The following TK2 variants were observed in gnomAD, a reference collection of about 807,000 sequenced individuals.
The protein encoded by TK2 is thymidine kinase 2, also known as thymidine kinase 2, mitochondrial.
In TK2, 35 loss-of-function variants were observed where a neutral mutation model predicts 41.9. The observed-to-expected ratio is 0.84, with a 90% CI of 0.64 to 1.11. TK2 has a LOEUF of 1.11. Ranked by LOEUF, TK2 falls within the 50% of genes least tolerant of loss-of-function variation. The probability of loss-of-function intolerance (pLI) is 0.00; values close to 1 mark genes in which losing one functional copy is unlikely to be tolerated. For synonymous variants in TK2, 128 were observed against 129.1 expected (o/e 0.99, Z 0.06); for missense variants, 320 against 351.1 (o/e 0.91, Z 0.71).
chr16:66,511,722 G>T lies in TK2; in HGVS notation c.*246C>A. On this transcript the variant is annotated 3_prime_UTR_variant, in exon 10 of 10. Transcript: ENST00000544898. ...CTCAGCAGCACAAAGCCATGGGAGAGGCACCGGGGGAATGTGAGGCTGCGA... is the reference window on the plus strand; with the variant it reads ...CTCAGCAGCACAAAGCCATGGGAGATGCACCGGGGGAATGTGAGGCTGCGA... The T allele has an allele frequency of 1.7e-6, 1 of 573,940 alleles. No homozygotes were observed. The highest frequency in any genetic ancestry group is 3.1e-6 in the Non-Finnish European group (1 of 318,700). The allele number at this position is 573,940 out of a possible 1,614,324, so 35.6% of individuals were successfully genotyped here.
intron 6 of TK2, among the ~76,000 whole-genome samples, chr16:66,522,043 A>G (rs1964796333): frequency 6.6e-6 from 1 of 152,180 alleles, no homozygotes; most frequent in African/African-American, 2.4e-5. Flanking sequence ...CCCAGTTTAT[A>G]GAAGAAACCT....
At chr16:66,525,622 G>A (rs1233560445) in intron 6 of TK2, among the ~76,000 whole-genome samples, 1 of 152,186 alleles carries the variant, frequency 6.6e-6, no homozygotes, top group Non-Finnish European at 1.5e-5. Context: ...CCTCCAGGCA[G>A]CCACAGTGCT....
chr16:66,541,875 G>A lies in TK2; in HGVS notation c.231+4C>T. The stretch of plus-strand genomic sequence containing the variant: ...TTCCTTCAAACCTAGCATAGAGGCT[G>A]TACCTCGACGTCTGTCGCGTTGGAG... On this transcript the variant is annotated splice_donor_region_variant and intron_variant, in intron 3 of 9. Transcript: ENST00000544898. 1.9e-6 allele frequency: 3 copies of A among 1,614,084 alleles called. No individual in the cohort carries two copies. Among genetic ancestry groups the A allele is most frequent in the Non-Finnish European group, 2.5e-6 (3 of 1,179,936 alleles).
chr16:66,531,528 T>C, intron 4 of TK2, 59 bp from the exon 5 acceptor site: 1 of 1,540,592 alleles, frequency 6.5e-7, no homozygotes. Context: ...AGGACCCTGG[T>C]CTCACAAGGC....
At chr16:66,515,088 G>T (rs2144346149) in intron 8 of TK2, among the ~76,000 whole-genome samples, 1 of 151,750 alleles carries the variant, frequency 6.6e-6, no homozygotes, top group South Asian at 2.1e-4. Flanking sequence ...ATGTTTATCT[G>T]CTGACCTTCC....
intron 4 of TK2, among the ~76,000 whole-genome samples, chr16:66,535,569 A>G (rs1965251781): frequency 6.6e-6 from 1 of 152,182 alleles, no homozygotes; most frequent in African/African-American, 2.4e-5. Context: ...TGCCTTATTT[A>G]AGAAACATCC....
At chr16:66,516,927 G>A (rs530579546) in intron 8 of TK2, among the ~76,000 whole-genome samples, 1 of 152,130 alleles carries the variant, frequency 6.6e-6, no homozygotes, top group African/African-American at 2.4e-5. Context: ...GTGAGTCAGC[G>A]ACCACAGGAA....
chr16:66,546,345 G>C (rs997961564), intron 2 of TK2, among the ~76,000 whole-genome samples: 2 of 152,188 alleles, frequency 1.3e-5, no homozygotes, highest in Non-Finnish European at 1.5e-5. Context: ...ATTTAAATGG[G>C]TGAATTTTGT....
intron 3 of TK2, among the ~76,000 whole-genome samples, chr16:66,539,666 G>A (rs1965398535): frequency 6.6e-6 from 1 of 151,128 alleles, no homozygotes; most frequent in African/African-American, 2.4e-5. Context: ...AAAAAGGGCA[G>A]GTGCAAAGTC....
At chr16:66,535,786 C>T (rs1965258292) in intron 4 of TK2, among the ~76,000 whole-genome samples, 1 of 152,228 alleles carries the variant, frequency 6.6e-6, no homozygotes, top group Admixed American at 6.5e-5. Flanking sequence ...CAAGCCCCTA[C>T]TAAGTGCTAG....
chr16:66,539,231 T>G (rs1965379774), intron 3 of TK2, among the ~76,000 whole-genome samples: 1 of 151,954 alleles, frequency 6.6e-6, no homozygotes, highest in African/African-American at 2.4e-5. Context: ...TGATGATTCA[T>G]GAGAACTCAC....
At chr16:66,512,205 G>C in intron 9 of TK2, 139 bp from the exon 10 acceptor site, 1 of 778,094 alleles carries the variant, frequency 1.3e-6, no homozygotes, top group Non-Finnish European at 2.2e-6. Context: ...AAAAAGGAAG[G>C]TTAGAGCCAA....
Position 66,531,420 on chromosome 16 carries a change from T to C in TK2, c.335A>G (p.Tyr112Cys), listed in dbSNP as rs1368964671. 6.2e-7 allele frequency: 1 copy of C among 1,614,140 alleles called. No individual in the cohort carries two copies. Among genetic ancestry groups the C allele is most frequent in the South Asian group, 1.1e-5 (1 of 91,082 alleles). The part of the protein sequence containing the change: ...ASRWGLTLQT[Y>C]VQLTMLDRHT... ...CCTGTCCAGCATGGTGAGCTGCACA[T>C]AAGTCTGTAGCGTAAGACCCCAGCG... Residue 112 changes from tyrosine to cysteine, a missense_variant, in exon 5 of 10, where the codon TAT becomes TGT. By Grantham distance (194) the Tyr-to-Cys change is radical (BLOSUM62 -2). Coordinates refer to ENST00000544898, the MANE Select transcript of TK2 (RefSeq NM_004614.5).
At chr16:66,550,179 C>G, upstream of TK2, 1 of 1,612,444 alleles carries the variant, frequency 6.2e-7, no homozygotes, top group Non-Finnish European at 8.5e-7. Context: ...TAAAGAGACC[C>G]GGTCGCATTT....
At chr16:66,512,718 G>C (rs1035881934) in intron 9 of TK2, among the ~76,000 whole-genome samples, 1 of 152,214 alleles carries the variant, frequency 6.6e-6, no homozygotes, top group Non-Finnish European at 1.5e-5. Flanking sequence ...AGGAGGCAGA[G>C]GTTGCAGCGA....
chr16:66,521,830 G>C (rs1177467067), intron 6 of TK2, among the ~76,000 whole-genome samples: 1 of 152,130 alleles, frequency 6.6e-6, no homozygotes, highest in Non-Finnish European at 1.5e-5. Flanking sequence ...AGTGGGCATG[G>C]GGGTCTCACC....
At position 66,545,002 on chromosome 16, in the gene TK2, G is replaced by A. The variant is rs894193151; in HGVS notation, c.157-3049C>T. Among the ~76,000 whole-genome samples the A allele has an allele frequency of 5.3e-5, 8 of 151,278 alleles. No individual in the cohort carries two copies. The South Asian group carries it at 1.3e-3, about 24-fold the overall frequency. Reference sequence around the variant, plus strand: ...CTGGGGAGGCTGATGCAAGAGAATCGCTTGAGCTTGGGAGCTGAGAGGTGG... The same window carrying A: ...CTGGGGAGGCTGATGCAAGAGAATCACTTGAGCTTGGGAGCTGAGAGGTGG... On this transcript the variant is annotated intron_variant, in intron 2 of 9. Transcript: ENST00000544898.
At chr16:66,529,636 C>T (rs1157055446) in intron 5 of TK2, among the ~76,000 whole-genome samples, 6 of 152,196 alleles carry the variant, frequency 3.9e-5, no homozygotes, top group Admixed American at 6.5e-5. Flanking sequence ...CCTCTGCAGA[C>T]GACCTTGCCC....
chr16:66,545,892 C>G (rs947623830), intron 2 of TK2, among the ~76,000 whole-genome samples: 1 of 151,964 alleles, frequency 6.6e-6, no homozygotes, highest in Non-Finnish European at 1.5e-5. Flanking sequence ...CTATATGTTC[C>G]ATTTTATATG....
Sources: gnomAD v4.1 joint callset for allele counts (sites outside exome capture counted in the v4.1 genomes callset) on GRCh38, gnomAD v4.1.1 for gene constraint, MANE v1.5 for transcripts, NCBI Gene and HGNC (gene_info 2026-07-23, HGNC 2026-07-21) for gene names.